The following ALPK2 variants were observed in gnomAD, a reference collection of about 807,000 sequenced individuals.
ALPK2 encodes alpha kinase 2, also known as alpha-protein kinase 2.
ALPK2 carries 127 observed loss-of-function variants against 163.1 expected under a neutral mutation model. That is an observed-to-expected ratio of 0.78 (90% CI 0.67 to 0.90). The LOEUF (loss-of-function observed/expected upper bound fraction) is 0.90, where lower values mean the gene tolerates loss of function less well. ALPK2 is among the 40% of genes least tolerant of loss of function. ALPK2 has a pLI of 0.00. For missense variants in ALPK2, 2,360 were observed against 2,589.6 expected (o/e 0.91, Z 1.92); for synonymous variants, 953 against 959.1 (o/e 0.99, Z 0.12).
In ALPK2 at chr18:58,579,054, T is replaced by A. The variant is rs768618813; in HGVS notation, c.1722A>T (p.Pro574=). The change falls in exon 4 of 13, where the codon CCA becomes CCT. Residue 574 remains proline, a synonymous_variant. Coordinates refer to ENST00000361673, the MANE Select transcript of ALPK2 (RefSeq NM_052947.4). The part of the protein sequence containing the change: ...LCSAKESAEP[P]LTQSDKRETS... ...TCTCTCTTTTATCACTCTGGGTTAG[T>A]GGGGGCTCAGCAGATTCTTTGGCAG... 6.8e-6 allele frequency: 11 copies of A among 1,614,116 alleles called. No individual in the cohort carries two copies. Among genetic ancestry groups the A allele is most frequent in the Non-Finnish European group, 9.3e-6 (11 of 1,180,052 alleles).
intron 4 of ALPK2, among the ~76,000 whole-genome samples, chr18:58,556,411 C>T (rs1010229724): frequency 2.0e-5 from 3 of 152,226 alleles, no homozygotes; most frequent in African/African-American, 4.8e-5. Flanking sequence ...CAAAGCAAGG[C>T]TTCGCCGCTT....
chr18:58,619,417 G>A (rs73447261), intron 1 of ALPK2, among the ~76,000 whole-genome samples: 2,742 of 152,276 alleles, frequency 0.018, 83 homozygotes, highest in African/African-American at 0.063. Flanking sequence ...TGAGGATGTG[G>A]AAAAGAACAA....
In ALPK2 at chr18:58,578,731, G is replaced by GACACACACACACACACACAC. The variant is rs1478568401; in HGVS notation, c.1962+82_1962+83insGTGTGTGTGTGTGTGTGTGT. On this transcript the variant is annotated intron_variant, in intron 4 of 12. Coordinates refer to ENST00000361673, the MANE Select transcript of ALPK2 (RefSeq NM_052947.4). ...CAATTGTGAATGTGAAGTAAAGGAAGAGACACACACACACACACACACACA... is the reference window on the plus strand; with the variant it reads ...CAATTGTGAATGTGAAGTAAAGGAAGACACACACACACACACACACAGACACACACACACACACACACACA... 29 of 104,302 alleles carry GACACACACACACACACACAC rather than the reference G, an allele frequency of 2.8e-4. No homozygotes were observed. The African/African-American group carries it at 4.3e-3, about 16-fold the overall frequency. The allele number at this position is 104,302 out of a possible 1,614,324, so 6.5% of individuals were successfully genotyped here.
intron 1 of ALPK2, among the ~76,000 whole-genome samples, chr18:58,613,173 C>T (rs761427372): frequency 7.9e-5 from 12 of 152,158 alleles, no homozygotes; most frequent in Non-Finnish European, 1.8e-4. Flanking sequence ...AGACGAGTTC[C>T]CCGAGGACAG....
At chr18:58,590,082 G>T (rs747247254) in intron 3 of ALPK2, among the ~76,000 whole-genome samples, 3 of 152,096 alleles carry the variant, frequency 2.0e-5, no homozygotes, top group Non-Finnish European at 4.4e-5. Flanking sequence ...TTAGCCAGGT[G>T]TGGTGGCACG....
chr18:58,577,370 C>A (rs1039407564), intron 4 of ALPK2, among the ~76,000 whole-genome samples: 3 of 152,166 alleles, frequency 2.0e-5, no homozygotes, highest in Admixed American at 2.0e-4. Flanking sequence ...TCACCTTCCC[C>A]CACCTTCAAT....
chr18:58,551,409 C>A (rs1480776056), intron 4 of ALPK2, among the ~76,000 whole-genome samples: 1 of 152,216 alleles, frequency 6.6e-6, no homozygotes, highest in Non-Finnish European at 1.5e-5. Context: ...GCCATCTTCC[C>A]TCTATATCTT....
rs1252630637 is a variant in ALPK2, at chr18:58,481,999, C to G, written c.6337G>C (p.Asp2113His). 1.2e-6 allele frequency: 2 copies of G among 1,614,108 alleles called. No homozygotes were observed. The highest frequency in any genetic ancestry group is 2.2e-5 in the South Asian group (2 of 91,064). ...FKGNCSMTFI[D>H]QFKALHQCNK... ...CACTGGTGTAGTGCTTTAAACTGAT[C>G]AATGAAGGTCATGGAACAGTTGCCT... Residue 2113 changes from aspartate to histidine, a missense_variant, in exon 13 of 13, where the codon GAT (aspartate) becomes CAT (histidine). Coordinates refer to ENST00000361673, the MANE Select transcript of ALPK2 (RefSeq NM_052947.4).
intron 5 of ALPK2, among the ~76,000 whole-genome samples, chr18:58,529,984 T>A (rs1424854303): frequency 2.0e-5 from 3 of 152,118 alleles, no homozygotes; most frequent in Admixed American, 6.5e-5. Flanking sequence ...CTGTCCCGAG[T>A]GGTCGTAACA....
chr18:58,585,923 A>G (rs560219619), intron 3 of ALPK2, among the ~76,000 whole-genome samples: 2 of 152,280 alleles, frequency 1.3e-5, no homozygotes, highest in East Asian at 3.9e-4. Flanking sequence ...ACCTCAGGTG[A>G]TCTGCCTGCC....
intron 10 of ALPK2, 87 bp from the exon 11 acceptor site, chr18:58,504,235 A>T: frequency 1.8e-6 from 2 of 1,139,744 alleles, no homozygotes; most frequent in East Asian, 4.8e-5. Flanking sequence ...CTGGAGCAGC[A>T]CGGAGCATAG....
intron 8 of ALPK2, among the ~76,000 whole-genome samples, chr18:58,523,162 T>C (rs938091844): frequency 3.6e-4 from 53 of 146,634 alleles, no homozygotes; most frequent in African/African-American, 1.2e-3. Context: ...GAACATGCGG[T>C]GTTTGGTTTT....
chr18:58,513,320 C>T (rs556200286), intron 10 of ALPK2, among the ~76,000 whole-genome samples: 62 of 152,098 alleles, frequency 4.1e-4, no homozygotes, highest in African/African-American at 1.5e-3. Context: ...GTTCCATAAA[C>T]ATGGAGTCTG....
Position 58,535,394 on chromosome 18 carries a change from G to T in ALPK2, c.4793C>A (p.Pro1598His). Residue 1598 changes from proline to histidine, a missense_variant, in exon 5 of 13, where the codon CCT becomes CAT. Coordinates refer to ENST00000361673, the MANE Select transcript of ALPK2 (RefSeq NM_052947.4). ...GGTAAGATCAGGAGAAGAGGGCAAAGGTTTCCCACGCTCATTCTCAATAGT... is the reference window on the plus strand; with the variant it reads ...GGTAAGATCAGGAGAAGAGGGCAAATGTTTCCCACGCTCATTCTCAATAGT... Reference protein sequence around the residue: ...RGTIENERGKPLPSSPDLTRF... With the variant: ...RGTIENERGKHLPSSPDLTRF... 1 of 1,614,182 alleles carries T rather than the reference G, an allele frequency of 6.2e-7. No individual in the cohort carries two copies. The highest frequency in any genetic ancestry group is 8.5e-7 in the Non-Finnish European group (1 of 1,180,010).
chr18:58,598,234 C>T (rs2052050881), intron 3 of ALPK2, among the ~76,000 whole-genome samples: 1 of 152,242 alleles, frequency 6.6e-6, no homozygotes, highest in Non-Finnish European at 1.5e-5. Context: ...TCCAGAGCGG[C>T]AGCTCCTCTC....
chr18:58,558,768 C>G (rs773394831), intron 4 of ALPK2, among the ~76,000 whole-genome samples: 1 of 152,214 alleles, frequency 6.6e-6, no homozygotes, highest in African/African-American at 2.4e-5. Context: ...TTGATAGATT[C>G]TCCCACATGG....
intron 8 of ALPK2, among the ~76,000 whole-genome samples, 153 bp downstream of exon 8, chr18:58,523,653 C>T (rs1174740600): frequency 6.6e-6 from 1 of 152,120 alleles, no homozygotes; most frequent in Non-Finnish European, 1.5e-5. Flanking sequence ...ATTTGCATTT[C>T]TCTGATGGCA....
chr18:58,533,653 G>A (rs2051627851), intron 5 of ALPK2, among the ~76,000 whole-genome samples: 1 of 151,770 alleles, frequency 6.6e-6, no homozygotes, highest in African/African-American at 2.4e-5. Flanking sequence ...ATGGGGTTTC[G>A]CCATGTTGCT....
chr18:58,594,638 C>T (rs1211372655), intron 3 of ALPK2, among the ~76,000 whole-genome samples: 2 of 152,178 alleles, frequency 1.3e-5, no homozygotes, highest in Non-Finnish European at 2.9e-5. Flanking sequence ...ACACCCAGCA[C>T]GCCCCAAGCC....
Sources: gnomAD v4.1 joint callset for allele counts (sites outside exome capture counted in the v4.1 genomes callset) on GRCh38, gnomAD v4.1.1 for gene constraint, MANE v1.5 for transcripts, NCBI Gene and HGNC (gene_info 2026-07-23, HGNC 2026-07-21) for gene names.